Variants in USP28 observed in about 807,000 individuals in gnomAD.
USP28 encodes the protein ubiquitin specific peptidase 28, also known as ubiquitin carboxyl-terminal hydrolase 28.
A neutral mutation model predicts 145.0 loss-of-function variants in USP28; 113 were observed. The observed-to-expected ratio is 0.78, with a 90% confidence interval of 0.67 to 0.91. USP28 has a LOEUF of 0.91. Ranked by LOEUF, USP28 falls within the 40% of genes least tolerant of loss-of-function variation. The pLI is 0.00. For synonymous variants in USP28, 447 were observed against 450.9 expected, an observed-to-expected ratio of 0.99 and a Z score of 0.11; for missense variants, 1,201 against 1,289.6, an observed-to-expected ratio of 0.93 and a Z score of 1.05.
intron 19 of USP28, among the ~76,000 whole-genome samples, chr11:113,805,925 A>G (rs550595239): frequency 6.9e-4 from 105 of 152,228 alleles, no homozygotes; most frequent in Admixed American, 4.1e-3. Context: ...CACTTCACAG[A>G]AGACTTTTTT....
In USP28 at chr11:113,813,958, GT is replaced by G; in HGVS notation, c.1673-4del. 6.3e-7 allele frequency: 1 copy of G among 1,598,942 alleles called. No individual in the cohort carries two copies. The highest frequency in any genetic ancestry group is 1.8e-5 in the Admixed American group (1 of 56,950). ...ACTTGCAATACAAGTCTTTAAATCT[GT>G]TTGGAAAAAGAAAAACAAAAGCTTC... On this transcript the variant is annotated splice_region_variant and splice_polypyrimidine_tract_variant and intron_variant, in intron 14 of 24. Transcript: ENST00000003302.
At chr11:113,845,358 C>T (rs907104367) in intron 3 of USP28, among the ~76,000 whole-genome samples, 2 of 151,590 alleles carry the variant, frequency 1.3e-5, no homozygotes, top group Admixed American at 6.6e-5. Flanking sequence ...ATCACTTGTA[C>T]CCGGGAGGTG....
At chr11:113,861,090 C>G (rs1173954678) in intron 1 of USP28, among the ~76,000 whole-genome samples, 1 of 146,848 alleles carries the variant, frequency 6.8e-6, no homozygotes, top group Non-Finnish European at 1.5e-5. Context: ...CTGCATTCCA[C>G]TCCAGCCTGG....
intron 11 of USP28, among the ~76,000 whole-genome samples, chr11:113,826,005 A>C (rs1475061350): frequency 6.6e-6 from 1 of 152,128 alleles, no homozygotes; most frequent in East Asian, 1.9e-4. Flanking sequence ...AAAATAAGTA[A>C]AAGAAGCCAT....
At chr11:113,849,048 AT>A (rs1946176957) in intron 3 of USP28, among the ~76,000 whole-genome samples, 1 of 152,224 alleles carries the variant, frequency 6.6e-6, no homozygotes, top group Admixed American at 6.5e-5. Context: ...TGAAATACTC[AT>A]GCTGTCTTGC....
rs1287706994 is a variant in USP28 at position 113,854,245 on chromosome 11, T to G, written c.135+13A>C. ...TTTAAAGCCTCCTGACTAACAGAGA[T>G]CTGGAAACCAACCTTCAGAGCTTCA... On this transcript the variant is annotated intron_variant, in intron 2 of 24. Transcript: ENST00000003302. 10 of 1,609,450 alleles carry G rather than the reference T, an allele frequency of 6.2e-6. No individual in the cohort carries two copies. The South Asian group carries it at 1.1e-4, about 18-fold the overall frequency.
At chr11:113,852,561 T>A (rs778903616) in exon 3 of USP28, 2 of 1,614,196 alleles carry the variant, frequency 1.2e-6, no homozygotes, top group Non-Finnish European at 1.7e-6. Context: ...GTAGCAACAG[T>A]GTCTTGACTG....
intron 10 of USP28, chr11:113,828,970 C>T: frequency 1.5e-6 from 1 of 676,128 alleles, no homozygotes; most frequent in Non-Finnish European, 2.7e-6. Flanking sequence ...TCAGAAGCAG[C>T]ATACAACCTT....
At chr11:113,826,076 G>A (rs1943252218) in intron 11 of USP28, among the ~76,000 whole-genome samples, 1 of 151,814 alleles carries the variant, frequency 6.6e-6, no homozygotes, top group South Asian at 2.1e-4. Flanking sequence ...CAAGGTCAGG[G>A]GATTGAGACC....
chr11:113,844,496 G>A (rs955835117), intron 3 of USP28, among the ~76,000 whole-genome samples: 28 of 94,842 alleles, frequency 3.0e-4, no homozygotes, highest in African/African-American at 1.1e-3. Flanking sequence ...GAAAATATTT[G>A]CAAAACATGC....
intron 5 of USP28, among the ~76,000 whole-genome samples, chr11:113,838,428 A>G (rs1012179266): frequency 5.9e-5 from 9 of 152,094 alleles, no homozygotes; most frequent in South Asian, 4.1e-4. Context: ...AATCTTCATC[A>G]TGACCCCAAG....
At position 113,826,337 on chromosome 11, in the gene USP28, A is replaced by ATTT. The variant is rs71063527; in HGVS notation, c.1187+893_1187+895dup. ...AAAAGAAAATCAAGCCACCACACCC[A>ATTT]TTTTTTTTTTTTTTTTTTTTTTTTT... On this transcript the variant is annotated intron_variant, in intron 11 of 24. Coordinates refer to ENST00000003302, the Ensembl canonical transcript of USP28. Among the ~76,000 whole-genome samples, 55 of 50,762 alleles carry ATTT rather than the reference A, an allele frequency of 1.1e-3. 2 individuals carry two copies. Among genetic ancestry groups the ATTT allele is most frequent in the African/African-American group, 2.9e-3 (38 of 13,300 alleles). The allele number at this position is 50,762 out of a possible 152,430, so 33.3% of individuals were successfully genotyped here.
At position 113,799,142 on chromosome 11, in the gene USP28, C is replaced by T. The variant is rs117708041; in HGVS notation, c.*98G>A. On this transcript the variant is annotated 3_prime_UTR_variant, in exon 25 of 25. Coordinates refer to ENST00000003302, the Ensembl canonical transcript of USP28. ...GGGGTCTGATCGGAATCTTATGTGC[C>T]CACCTAATCCTTTTCCCAAGGTGAG... is the stretch of plus-strand genomic sequence containing the variant. The T allele has an allele frequency of 4.4e-5, 59 of 1,328,700 alleles. 2 individuals are homozygous for T. The East Asian group carries it at 6.8e-4, about 15-fold the overall frequency. The allele number at this position is 1,328,700 out of a possible 1,614,324, so 82.3% of individuals were successfully genotyped here.
At chr11:113,826,930 A>C (rs998680773) in intron 11 of USP28, among the ~76,000 whole-genome samples, 18 of 151,846 alleles carry the variant, frequency 1.2e-4, no homozygotes, top group Non-Finnish European at 2.2e-4. Flanking sequence ...AAAAAAAAAA[A>C]AAAACAAAAA....
At chr11:113,846,509 G>A (rs574448386) in intron 3 of USP28, among the ~76,000 whole-genome samples, 1 of 152,294 alleles carries the variant, frequency 6.6e-6, no homozygotes, top group Non-Finnish European at 1.5e-5. Flanking sequence ...ACCAGGGGCT[G>A]GGTATGGAGT....
chr11:113,809,388 T>C, intron 16 of USP28, 134 bp from the exon 17 acceptor site: 5 of 866,958 alleles, frequency 5.8e-6, no homozygotes, highest in Non-Finnish European at 8.9e-6. Context: ...CCATCAGAAA[T>C]GCAGGCTGAG....
intron 11 of USP28, among the ~76,000 whole-genome samples, chr11:113,826,282 C>A (rs78664769): frequency 6.1e-4 from 61 of 99,872 alleles, no homozygotes; most frequent in African/African-American, 1.0e-3. Context: ...GACTCCTTCT[C>A]AAAAAAAAAA....
chr11:113,808,274 C>T, intron 18 of USP28, 24 bp downstream of exon 18: 1 of 1,606,820 alleles, frequency 6.2e-7, no homozygotes, highest in Non-Finnish European at 8.5e-7. Flanking sequence ...CTCTCCTGAA[C>T]TTGGGCTTCC....
At position 113,858,899 on chromosome 11, in the gene USP28, G is replaced by A. The variant is rs188267643; in HGVS notation, c.58-4564C>T. Among the ~76,000 whole-genome samples the A allele has an allele frequency of 4.6e-5, 7 of 152,202 alleles. No homozygotes were observed. In the East Asian group the frequency reaches 9.7e-4, roughly 21 times the overall value. On this transcript the variant is annotated intron_variant, in intron 1 of 24. Transcript: ENST00000003302. ...GTTGGGATTACAGGCATGAGCCACC[G>A]GGCCAGGCCTGTTCTCTAATTGTTT...
Sources: gnomAD v4.1 joint callset for allele counts (sites outside exome capture counted in the v4.1 genomes callset) on GRCh38, gnomAD v4.1.1 for gene constraint, MANE v1.5 for transcripts, NCBI Gene and HGNC (gene_info 2026-07-23, HGNC 2026-07-21) for gene names.